SLC9A2: variants seen among roughly 807,000 people sequenced by gnomAD.
The protein encoded by SLC9A2 is sodium/hydrogen exchanger 2.
SLC9A2 carries 42 observed loss-of-function variants against 71.7 expected under a neutral mutation model. The observed-to-expected ratio is 0.59, with a 90% CI of 0.46 to 0.76. The LOEUF is 0.76. SLC9A2 is among the 30% of genes least tolerant of loss of function. SLC9A2 has a pLI of 0.00. For missense variants in SLC9A2, 829 were observed against 1,017.4 expected, an observed-to-expected ratio of 0.81 and a Z score of 2.52; for synonymous variants, 396 against 392.5, an observed-to-expected ratio of 1.01 and a Z score of -0.10.
chr2:102,670,402 T>C (rs1444842594), intron 3 of SLC9A2, among the ~76,000 whole-genome samples: 3 of 152,002 alleles, frequency 2.0e-5, no homozygotes, highest in Non-Finnish European at 4.4e-5. Context: ...GTATTTTCTA[T>C]TTATTGTTAA....
chr2:102,635,257 C>T (rs1011774331), intron 1 of SLC9A2, among the ~76,000 whole-genome samples: 3 of 152,184 alleles, frequency 2.0e-5, no homozygotes, highest in African/African-American at 7.2e-5. Context: ...GCGGCTTCTT[C>T]TTTTCTATCT....
chr2:102,646,272 A>G (rs989839753), intron 1 of SLC9A2, among the ~76,000 whole-genome samples: 4 of 152,236 alleles, frequency 2.6e-5, no homozygotes, highest in Non-Finnish European at 5.9e-5. Context: ...TGTCACCACC[A>G]GCCCTGCCTT....
intron 1 of SLC9A2, among the ~76,000 whole-genome samples, chr2:102,620,887 T>G (rs1321609195): frequency 6.6e-6 from 1 of 151,742 alleles, no homozygotes; most frequent in Non-Finnish European, 1.5e-5. Context: ...AAATAAAAAA[T>G]TGGCCGGGCG....
chr2:102,706,325 C>CAAAAAAAAAAAAAA (rs1321449192), intron 11 of SLC9A2, among the ~76,000 whole-genome samples: 18 of 2,534 alleles, frequency 7.1e-3, no homozygotes, highest in South Asian at 0.013. Context: ...GACTCCGTCT[C>CAAAAAAAAAAAAAA]AAAAAAAAAA....
At chr2:102,664,971 TGTC>T (rs1677106176) in intron 2 of SLC9A2, 126 bp from the exon 3 acceptor site, 3 of 961,036 alleles carry the variant, frequency 3.1e-6, no homozygotes, top group Non-Finnish European at 3.1e-6. Context: ...ACACAATGAT[TGTC>T]ATTTTCCTAC....
chr2:102,631,459 G>C (rs1676355250), intron 1 of SLC9A2, among the ~76,000 whole-genome samples: 1 of 151,916 alleles, frequency 6.6e-6, no homozygotes, highest in Non-Finnish European at 1.5e-5. Context: ...TCTGTGTCAG[G>C]AGTTCCCCTG....
At chr2:102,644,413 C>A (rs1676674808) in intron 1 of SLC9A2, among the ~76,000 whole-genome samples, 1 of 152,120 alleles carries the variant, frequency 6.6e-6, no homozygotes, top group Non-Finnish European at 1.5e-5. Flanking sequence ...ACTGAGCTAG[C>A]TGCAGGAGGC....
intron 1 of SLC9A2, among the ~76,000 whole-genome samples, chr2:102,629,187 G>T (rs1676309840): frequency 6.6e-6 from 1 of 151,924 alleles, no homozygotes. Context: ...ATTTGTAATT[G>T]TTTCAATTTT....
At chr2:102,672,196 A>C (rs1677265614) in intron 3 of SLC9A2, among the ~76,000 whole-genome samples, 1 of 152,204 alleles carries the variant, frequency 6.6e-6, no homozygotes, top group Non-Finnish European at 1.5e-5. Context: ...ATATCTCATT[A>C]GTAATTTCTA....
At chr2:102,690,086 AAAG>A (rs1271456374) in intron 5 of SLC9A2, among the ~76,000 whole-genome samples, 5 of 152,202 alleles carry the variant, frequency 3.3e-5, no homozygotes, top group African/African-American at 1.2e-4. Context: ...AGAATACAGA[AAAG>A]AAGGCATCTG....
intron 9 of SLC9A2, among the ~76,000 whole-genome samples, chr2:102,704,223 A>T (rs1413031191): frequency 6.6e-6 from 1 of 152,148 alleles, no homozygotes; most frequent in Non-Finnish European, 1.5e-5. Context: ...TGAGGTGGGA[A>T]AGTTGCTTGA....
At chr2:102,640,736 C>A (rs1438666344) in intron 1 of SLC9A2, among the ~76,000 whole-genome samples, 1 of 152,186 alleles carries the variant, frequency 6.6e-6, no homozygotes, top group Non-Finnish European at 1.5e-5. Context: ...TGGAACTCAA[C>A]CTCCTGCCCT....
intron 1 of SLC9A2, among the ~76,000 whole-genome samples, chr2:102,624,040 A>T (rs1399284322): frequency 1.3e-5 from 2 of 152,210 alleles, no homozygotes; most frequent in Admixed American, 6.5e-5. Context: ...ACACTTGATT[A>T]TCAGGGAAAA....
At chr2:102,693,055 T>TTATA (rs150875117) in intron 5 of SLC9A2, among the ~76,000 whole-genome samples, 8 of 149,362 alleles carry the variant, frequency 5.4e-5, no homozygotes, top group African/African-American at 2.0e-4. Context: ...TACTAGTATT[T>TTATA]TATATATATA....
chr2:102,679,881 C>T (rs955774892), intron 3 of SLC9A2, among the ~76,000 whole-genome samples: 2 of 152,052 alleles, frequency 1.3e-5, no homozygotes, highest in Non-Finnish European at 2.9e-5. Flanking sequence ...TCAAAAAAAT[C>T]AACTCAAGAG....
rs1271029359 is a variant in SLC9A2 at position 102,683,484 on chromosome 2, G to A, written c.1222+6G>A. The A allele has an allele frequency of 6.2e-7, 1 of 1,611,658 alleles. No homozygotes were observed. Among genetic ancestry groups the A allele is most frequent in the East Asian group, 2.2e-5 (1 of 44,868 alleles). ...CCTCATGTGGCGAGCCCTGGGTAAT[G>A]AGTGCTTGTTTGCTAACTGGACATA... On this transcript the variant is annotated splice_donor_region_variant and intron_variant, in intron 4 of 11. Coordinates refer to ENST00000233969, the MANE Select transcript of SLC9A2 (RefSeq NM_003048.6).
chr2:102,648,701 G>A (rs913680289), intron 1 of SLC9A2, among the ~76,000 whole-genome samples: 3 of 152,058 alleles, frequency 2.0e-5, no homozygotes, highest in African/African-American at 7.2e-5. Flanking sequence ...ATAATAGACA[G>A]AGAGCCAAAT....
At chr2:102,648,727 A>T (rs1266933194) in intron 1 of SLC9A2, among the ~76,000 whole-genome samples, 2 of 152,222 alleles carry the variant, frequency 1.3e-5, no homozygotes, top group African/African-American at 4.8e-5. Context: ...GTGAACTCCC[A>T]TTCACAATTG....
At chr2:102,707,213 C>T (rs1677996581) in intron 11 of SLC9A2, among the ~76,000 whole-genome samples, 1 of 151,896 alleles carries the variant, frequency 6.6e-6, no homozygotes. Context: ...TGCAATATAC[C>T]CATGTAACAA....
Sources: allele counts gnomAD v4.1 joint callset (sites outside exome capture counted in the v4.1 genomes callset), GRCh38; gene constraint gnomAD v4.1.1; transcripts MANE v1.5; gene names NCBI Gene and HGNC (gene_info 2026-07-23, HGNC 2026-07-21).